NINJ2: variants seen among roughly 807,000 people sequenced by gnomAD.
The protein encoded by NINJ2 is ninjurin 2.
NINJ2 carries 12 observed loss-of-function variants against 11.7 expected under a neutral mutation model. That is an observed-to-expected ratio of 1.02 (90% CI 0.66 to 1.66). The LOEUF (loss-of-function observed/expected upper bound fraction) is 1.66, where lower values mean the gene tolerates loss of function less well. Ranked by LOEUF, NINJ2 falls within the 40% of genes most tolerant of loss-of-function variation. The pLI is 0.00. For synonymous variants in NINJ2, 93 were observed against 76.8 expected (o/e 1.21, Z -1.10); for missense variants, 187 against 181.8 (o/e 1.03, Z -0.16).
chr12:575,066 AG>A (rs1947435868), intron 1 of NINJ2, among the ~76,000 whole-genome samples: 1 of 152,248 alleles, frequency 6.6e-6, no homozygotes, highest in South Asian at 2.1e-4. Flanking sequence ...GGCCCGTCCC[AG>A]CCCCAGTTTT....
chr12:661,032 T>C (rs1049016652), intron 1 of NINJ2, among the ~76,000 whole-genome samples: 1 of 152,118 alleles, frequency 6.6e-6, no homozygotes, highest in Non-Finnish European at 1.5e-5. Flanking sequence ...CACCCATTGG[T>C]GATAATTGTA....
intron 1 of NINJ2, among the ~76,000 whole-genome samples, chr12:588,728 G>C (rs1302293013): frequency 6.6e-6 from 1 of 152,188 alleles, no homozygotes; most frequent in African/African-American, 2.4e-5. Context: ...TGATTATCCT[G>C]AAGTCTGTGG....
chr12:652,622 C>T (rs1937810269), intron 1 of NINJ2, among the ~76,000 whole-genome samples: 1 of 152,050 alleles, frequency 6.6e-6, no homozygotes. Flanking sequence ...AAAAGAAAAA[C>T]TTTTTTTCTT....
At chr12:620,543 A>G (rs532381677) in intron 1 of NINJ2, among the ~76,000 whole-genome samples, 22 of 152,344 alleles carry the variant, frequency 1.4e-4, no homozygotes, top group African/African-American at 5.1e-4. Context: ...GCTTTTTCTC[A>G]GCATGCAGTT....
intron 1 of NINJ2, among the ~76,000 whole-genome samples, chr12:605,532 C>A (rs918954738): frequency 6.6e-6 from 1 of 152,170 alleles, no homozygotes. Flanking sequence ...TGCGCTCCAG[C>A]CGGAGAGACA....
In NINJ2 at chr12:574,311, G is replaced by A. The variant is rs897275324; in HGVS notation, c.34-8133C>T. ...TGTACTCCAGCCAGGGTGACAGAGC[G>A]AGACTCCATCTCAAAAAAAATAATA... On this transcript the variant is annotated intron_variant, in intron 1 of 3. Coordinates refer to ENST00000305108, the MANE Select transcript of NINJ2 (RefSeq NM_016533.6). Among the ~76,000 whole-genome samples, 11 of 152,076 alleles carry A rather than the reference G, an allele frequency of 7.2e-5. 1 individual carries two copies. The highest frequency in any genetic ancestry group is 1.2e-4 in the African/African-American group (5 of 41,388).
intron 1 of NINJ2, among the ~76,000 whole-genome samples, chr12:578,962 C>T (rs999338815): frequency 9.2e-5 from 14 of 152,152 alleles, no homozygotes; most frequent in Admixed American, 2.0e-4. Context: ...CTCGTTTTTG[C>T]TGAACCTTAG....
Position 628,593 on chromosome 12 carries a change from A to C in NINJ2, c.33+34735T>G, listed in dbSNP as rs1436758544. 6.6e-6 allele frequency among the ~76,000 whole-genome samples: 1 copy of C among 152,158 alleles called. No homozygotes were observed. Among genetic ancestry groups the C allele is most frequent in the Non-Finnish European group, 1.5e-5 (1 of 68,022 alleles). On this transcript the variant is annotated intron_variant, in intron 1 of 3. Coordinates refer to ENST00000305108, the MANE Select transcript of NINJ2 (RefSeq NM_016533.6). The surrounding 1 kb of genome is among the most constrained non-coding windows in gnomAD (Gnocchi z 4.4). The stretch of plus-strand genomic sequence containing the variant: ...CTCCATCTTGAATAGGGGCTGGTAA[A>C]ATGAGGCTGAGACCTGCTAGGTGGC...
At chr12:615,608 C>T (rs552784501) in intron 1 of NINJ2, among the ~76,000 whole-genome samples, 1 of 152,282 alleles carries the variant, frequency 6.6e-6, no homozygotes, top group East Asian at 1.9e-4. Context: ...AGAAACTCTG[C>T]TCACCCTTCA....
At chr12:579,706 C>T (rs1006945186) in intron 1 of NINJ2, among the ~76,000 whole-genome samples, 9 of 152,142 alleles carry the variant, frequency 5.9e-5, no homozygotes, top group Admixed American at 2.0e-4. Context: ...GAATGTGCCC[C>T]GAGCCTCACT....
intron 1 of NINJ2, among the ~76,000 whole-genome samples, chr12:619,398 C>T (rs75812775): frequency 0.068 from 10,407 of 152,298 alleles, 478 homozygotes; most frequent in Middle Eastern, 0.11. Context: ...TCCTCTAGTT[C>T]TGAAGAGCTT....
At chr12:648,155 C>T (rs1937721156) in intron 1 of NINJ2, among the ~76,000 whole-genome samples, 1 of 152,158 alleles carries the variant, frequency 6.6e-6, no homozygotes, top group Admixed American at 6.5e-5. Context: ...CTCACTGCAA[C>T]CTCCGCCTCC....
intron 1 of NINJ2, among the ~76,000 whole-genome samples, chr12:574,729 G>C (rs1202990692): frequency 6.6e-6 from 1 of 152,182 alleles, no homozygotes; most frequent in East Asian, 1.9e-4. Context: ...AAATCACCCA[G>C]TCTCAGTTAT....
At chr12:616,970 C>T (rs568649042) in intron 1 of NINJ2, among the ~76,000 whole-genome samples, 2 of 152,318 alleles carry the variant, frequency 1.3e-5, no homozygotes, top group African/African-American at 4.8e-5. Context: ...CTTTGGGAGG[C>T]CAAGGTTGGC....
intron 1 of NINJ2, among the ~76,000 whole-genome samples, chr12:567,710 A>G (rs1430193282): frequency 6.6e-6 from 1 of 152,196 alleles, no homozygotes; most frequent in African/African-American, 2.4e-5. Flanking sequence ...AGCCCTTAGG[A>G]TACCCCGAAA....
chr12:569,848 C>A (rs934888629), intron 1 of NINJ2, among the ~76,000 whole-genome samples: 1 of 152,230 alleles, frequency 6.6e-6, no homozygotes, highest in East Asian at 1.9e-4. Context: ...TCGCTAAATG[C>A]GGGGCCGACT....
At chr12:571,265 G>A (rs1408085770) in intron 1 of NINJ2, among the ~76,000 whole-genome samples, 1 of 152,268 alleles carries the variant, frequency 6.6e-6, no homozygotes, top group Non-Finnish European at 1.5e-5. Context: ...TGCAGGGAAG[G>A]TGGGAGTAGA....
intron 1 of NINJ2, among the ~76,000 whole-genome samples, chr12:568,876 A>ACCCCC (rs5795931): frequency 2.7e-4 from 30 of 112,770 alleles, no homozygotes; most frequent in Admixed American, 2.9e-4. Context: ...CTGTGAGGAC[A>ACCCCC]CCCCCCCCCC....
At chr12:603,324 C>T (rs1479504861) in intron 1 of NINJ2, among the ~76,000 whole-genome samples, 1 of 152,136 alleles carries the variant, frequency 6.6e-6, no homozygotes, top group Non-Finnish European at 1.5e-5. Context: ...ATACAAGTCC[C>T]TTATAAGATA....
Sources: allele counts gnomAD v4.1 joint callset (sites outside exome capture counted in the v4.1 genomes callset), GRCh38; gene constraint gnomAD v4.1.1; non-coding constraint Gnocchi (gnomAD v3.1); transcripts MANE v1.5; gene names NCBI Gene and HGNC (gene_info 2026-07-23, HGNC 2026-07-21).